The following MYO3B variants were observed in gnomAD, a reference collection of about 807,000 sequenced individuals.
MYO3B encodes the protein myosin-IIIb.
MYO3B carries 156 observed loss-of-function variants against 174.6 expected under a neutral mutation model. That is an observed-to-expected ratio of 0.89 (90% CI 0.78 to 1.02). The LOEUF is 1.02. Ranked by LOEUF, MYO3B falls within the 50% of genes least tolerant of loss-of-function variation. The probability of loss-of-function intolerance (pLI) is 0.00; values close to 1 mark genes in which losing one functional copy is unlikely to be tolerated. For synonymous variants in MYO3B, 563 were observed against 569.1 expected (o/e 0.99, Z 0.15); for missense variants, 1,632 against 1,639.4 (o/e 1.00, Z 0.08).
chr2:170,178,259 A>C lies in MYO3B; in HGVS notation c.-29A>C. 1.9e-6 allele frequency: 3 copies of C among 1,614,184 alleles called. No individual in the cohort carries two copies. Among genetic ancestry groups the C allele is most frequent in the Non-Finnish European group, 2.5e-6 (3 of 1,179,978 alleles). ...TGGAGGAATGAGAATCCAATCTCTC[A>C]TAAGCCGGATTCAGAAAATAGGTCA... On this transcript the variant is annotated 5_prime_UTR_variant, in exon 1 of 35. Transcript: ENST00000408978.
intron 32 of MYO3B, among the ~76,000 whole-genome samples, chr2:170,645,999 C>T (rs1183465259): frequency 4.6e-5 from 7 of 152,068 alleles, no homozygotes; most frequent in Admixed American, 2.6e-4. Context: ...TGGCTGGGCA[C>T]GGTGGCTCAT....
intron 32 of MYO3B, among the ~76,000 whole-genome samples, chr2:170,550,280 C>A (rs1431464458): frequency 6.6e-6 from 1 of 152,152 alleles, no homozygotes; most frequent in Non-Finnish European, 1.5e-5. Flanking sequence ...TTATTGCTAG[C>A]ATGTGAGGTT....
chr2:170,580,397 G>A (rs899664936), intron 32 of MYO3B, among the ~76,000 whole-genome samples: 5 of 152,188 alleles, frequency 3.3e-5, no homozygotes, highest in African/African-American at 1.2e-4. Context: ...CAACGCTTTA[G>A]GAGGTCGAAG....
chr2:170,580,046 C>G (rs1693031047), intron 32 of MYO3B, among the ~76,000 whole-genome samples: 1 of 151,724 alleles, frequency 6.6e-6, no homozygotes, highest in Non-Finnish European at 1.5e-5. Context: ...ATCAACCGTG[C>G]TAGAGAAAAA....
intron 9 of MYO3B, among the ~76,000 whole-genome samples, chr2:170,377,342 G>A (rs1175698649): frequency 1.3e-5 from 2 of 152,184 alleles, no homozygotes; most frequent in Non-Finnish European, 2.9e-5. Context: ...CTCATTGGCT[G>A]GGCCAAAGAT....
chr2:170,383,305 C>A, intron 11 of MYO3B, 116 bp downstream of exon 11: 1 of 674,302 alleles, frequency 1.5e-6, no homozygotes, highest in South Asian at 2.0e-5. Context: ...GTATATACTC[C>A]AAACTGCAGA....
At chr2:170,540,434 T>A (rs1263430886) in intron 30 of MYO3B, among the ~76,000 whole-genome samples, 1 of 152,114 alleles carries the variant, frequency 6.6e-6, no homozygotes, top group Non-Finnish European at 1.5e-5. Flanking sequence ...TCTTTCTTTT[T>A]AAAAAATATT....
intron 8 of MYO3B, among the ~76,000 whole-genome samples, chr2:170,357,780 AG>A (rs1361691687): frequency 3.3e-5 from 5 of 152,346 alleles, no homozygotes; most frequent in African/African-American, 1.2e-4. Context: ...CCAGCAATCC[AG>A]GGGAAATGAA....
intron 6 of MYO3B, among the ~76,000 whole-genome samples, chr2:170,225,003 T>G (rs2092937033): frequency 6.6e-6 from 1 of 152,140 alleles, no homozygotes; most frequent in Non-Finnish European, 1.5e-5. Context: ...AGATGACAAA[T>G]GAGATATTTT....
At chr2:170,497,123 G>C (rs1251467286) in intron 25 of MYO3B, among the ~76,000 whole-genome samples, 2 of 152,156 alleles carry the variant, frequency 1.3e-5, no homozygotes, top group Non-Finnish European at 2.9e-5. Context: ...CAGGTCATAA[G>C]ACCCACACGT....
At chr2:170,189,788 T>G (rs1353237333) in intron 1 of MYO3B, among the ~76,000 whole-genome samples, 1 of 152,180 alleles carries the variant, frequency 6.6e-6, no homozygotes, top group Non-Finnish European at 1.5e-5. Flanking sequence ...TTGAATTCTC[T>G]GCCTGAAAGG....
At chr2:170,433,920 A>C (rs1004446647) in intron 22 of MYO3B, among the ~76,000 whole-genome samples, 8 of 152,238 alleles carry the variant, frequency 5.3e-5, no homozygotes, top group Non-Finnish European at 7.3e-5. Flanking sequence ...GGTCATGTCC[A>C]AGTGGGCTGG....
chr2:170,409,139 A>G (rs2094529640), intron 22 of MYO3B, among the ~76,000 whole-genome samples: 1 of 152,254 alleles, frequency 6.6e-6, no homozygotes, highest in Non-Finnish European at 1.5e-5. Context: ...TCCCACAAAT[A>G]TTAATAACGA....
chr2:170,441,439 G>T (rs183084537), intron 22 of MYO3B, among the ~76,000 whole-genome samples: 279 of 152,282 alleles, frequency 1.8e-3, no homozygotes, highest in African/African-American at 6.5e-3. Flanking sequence ...CCCAAGAGAG[G>T]GTTCCTGGAT....
chr2:170,325,777 C>T (rs965815380), intron 7 of MYO3B, among the ~76,000 whole-genome samples: 3 of 152,134 alleles, frequency 2.0e-5, no homozygotes, highest in Non-Finnish European at 4.4e-5. Flanking sequence ...TGGTCCAGCC[C>T]AGTCCCAAGA....
chr2:170,408,047 C>G (rs373678384), intron 22 of MYO3B, among the ~76,000 whole-genome samples: 1 of 152,224 alleles, frequency 6.6e-6, no homozygotes, highest in African/African-American at 2.4e-5. Flanking sequence ...TACACAGACA[C>G]GTGTAGCTGC....
intron 22 of MYO3B, among the ~76,000 whole-genome samples, chr2:170,411,520 T>C (rs2094546201): frequency 6.6e-6 from 1 of 152,218 alleles, no homozygotes; most frequent in Admixed American, 6.5e-5. Context: ...GGTATGATAA[T>C]GTTACAGGAC....
rs569865620 is a variant in MYO3B, at chr2:170,475,906, C to G, written c.3014+9195C>G. ...AAGATTTTTATTTTATTTACTGTTT[C>G]TTCTGCAAGAGCATCTACTTACCAT... On this transcript the variant is annotated intron_variant, in intron 25 of 34. Transcript: ENST00000408978. Among the ~76,000 whole-genome samples, 4 of 152,326 alleles carry G rather than the reference C, an allele frequency of 2.6e-5. No homozygotes were observed. The East Asian group carries it at 7.7e-4, about 29-fold the overall frequency.
At chr2:170,480,659 T>C (rs1218741171) in intron 25 of MYO3B, among the ~76,000 whole-genome samples, 1 of 152,202 alleles carries the variant, frequency 6.6e-6, no homozygotes, top group Non-Finnish European at 1.5e-5. Context: ...TCTTGGGGAC[T>C]GAGCCCTCAA....
Sources: gnomAD v4.1 joint callset for allele counts (sites outside exome capture counted in the v4.1 genomes callset) on GRCh38, gnomAD v4.1.1 for gene constraint, MANE v1.5 for transcripts, NCBI Gene and HGNC (gene_info 2026-07-23, HGNC 2026-07-21) for gene names.